GRIK5: variants seen among roughly 807,000 people sequenced by gnomAD.
GRIK5 encodes the protein glutamate ionotropic receptor kainate type subunit 5.
Under a neutral mutation model 97.4 loss-of-function variants are expected in GRIK5, and 43 were observed. That is an observed-to-expected ratio of 0.44 (90% CI 0.35 to 0.57). The LOEUF (loss-of-function observed/expected upper bound fraction) is 0.57, where lower values mean the gene tolerates loss of function less well. Ranked by LOEUF, GRIK5 falls within the 20% of genes least tolerant of loss-of-function variation. The pLI, the probability that GRIK5 is intolerant of heterozygous loss-of-function variation, is 0.01. For synonymous variants in GRIK5, 580 were observed against 583.5 expected (o/e 0.99, Z 0.09); for missense variants, 1,015 against 1,382.0 (o/e 0.73, Z 4.21).
chr19:42,053,506 C>T (rs775226937), intron 11 of GRIK5, 96 bp downstream of exon 11: 28 of 773,022 alleles, frequency 3.6e-5, no homozygotes, highest in Admixed American at 7.7e-5. Flanking sequence ...CTGGCCTATG[C>T]GCTGTGCCAG....
Position 42,062,936 on chromosome 19 carries a change from G to A in GRIK5, c.245-81C>T. 9.6e-7 allele frequency: 1 copy of A among 1,044,666 alleles called. No individual in the cohort carries two copies. Among genetic ancestry groups the A allele is most frequent in the Non-Finnish European group, 1.5e-6 (1 of 675,050 alleles). 64.7% of individuals were successfully genotyped at this position (1,044,666 alleles called of 1,614,324 possible). A position where few individuals can be genotyped will look rare whatever the true frequency, so the allele number is the denominator to read the frequency against. Reference sequence around the variant, plus strand: ...CCCCATCCCTCAGGGAGCCGCCATGGCCCAGGAGAGGATCAGACACTGGCA... The same window carrying A: ...CCCCATCCCTCAGGGAGCCGCCATGACCCAGGAGAGGATCAGACACTGGCA... On this transcript the variant is annotated intron_variant, in intron 3 of 19. Coordinates refer to ENST00000593562, the MANE Select transcript of GRIK5 (RefSeq NM_002088.5). The surrounding 1 kb of genome is among the most constrained non-coding windows in gnomAD (Gnocchi z 5.3).
chr19:42,035,902 T>G (rs1285509917), intron 12 of GRIK5, among the ~76,000 whole-genome samples: 1 of 152,206 alleles, frequency 6.6e-6, no homozygotes, highest in Admixed American at 6.5e-5. Flanking sequence ...AAATAATTGC[T>G]TATGAAAATT....
At chr19:42,032,327 T>C (rs897348958) in intron 12 of GRIK5, among the ~76,000 whole-genome samples, 4 of 152,240 alleles carry the variant, frequency 2.6e-5, no homozygotes, top group Non-Finnish European at 4.4e-5. Context: ...TAGAGATTGG[T>C]AACACTGACT....
At chr19:42,010,819 G>A (rs1419735562) in intron 15 of GRIK5, among the ~76,000 whole-genome samples, 1 of 152,116 alleles carries the variant, frequency 6.6e-6, no homozygotes, top group Non-Finnish European at 1.5e-5. Context: ...AGCATTTAGT[G>A]GTTTGGTTTT....
At chr19:42,044,266 C>T (rs1221895769) in intron 11 of GRIK5, among the ~76,000 whole-genome samples, 1 of 152,132 alleles carries the variant, frequency 6.6e-6, no homozygotes, top group African/African-American at 2.4e-5. Flanking sequence ...CATAAATTAC[C>T]GAGTCTCGGG....
chr19:42,013,632 G>A (rs113489282), intron 15 of GRIK5, among the ~76,000 whole-genome samples: 3 of 151,902 alleles, frequency 2.0e-5, no homozygotes, highest in East Asian at 1.9e-4. Context: ...GGACGGTCTC[G>A]ATCCTCTGAC....
chr19:42,059,259 C>T, intron 6 of GRIK5, 90 bp downstream of exon 6: 5 of 974,162 alleles, frequency 5.1e-6, no homozygotes, highest in East Asian at 2.4e-5. Context: ...CCCCTTTTGA[C>T]TCCTGAGGCC....
At chr19:42,043,551 T>C (rs902218440) in intron 11 of GRIK5, among the ~76,000 whole-genome samples, 2 of 151,790 alleles carry the variant, frequency 1.3e-5, no homozygotes, top group African/African-American at 4.8e-5. Flanking sequence ...GGATTACAGG[T>C]GCCTGCCACC....
chr19:42,022,295 G>A lies in GRIK5; in HGVS notation c.1533C>T (p.Asp511=). 6.2e-7 allele frequency: 1 copy of A among 1,614,124 alleles called. No homozygotes were observed. Among genetic ancestry groups the A allele is most frequent in the Non-Finnish European group, 8.5e-7 (1 of 1,179,992 alleles). The change falls in exon 13 of 20, where the codon GAC becomes GAT. Residue 511 remains aspartate (D), a synonymous_variant. Coordinates refer to ENST00000593562, the MANE Select transcript of GRIK5 (RefSeq NM_002088.5). The surrounding 1 kb of genome is among the most constrained non-coding windows in gnomAD (Gnocchi z 4.2). ...CCAGGGTCATAAAGGGCTTGGAAAA[G>A]TCGATGACCTTCTCCCGCTCAGCTG... The part of the protein sequence containing the change: ...TITAEREKVI[D]FSKPFMTLGI...
At chr19:42,020,908 CAG>C (rs1050791894) in intron 15 of GRIK5, among the ~76,000 whole-genome samples, 3 of 152,130 alleles carry the variant, frequency 2.0e-5, no homozygotes, top group African/African-American at 4.8e-5. Context: ...TTTATTGAGA[CAG>C]AGTCTTGCTC....
In GRIK5 at chr19:42,042,596, G is replaced by A. The variant is rs770880639; in HGVS notation, c.1429C>T (p.Pro477Ser). ...ACCATGCCCGTCCAGGAGCCGTTGG[G>A]CTCGGGCGCCCCGTACAGCCCATCC... ...VEDGLYGAPE[P>S]NGSWTGMVGE... Residue 477 changes from proline (P) to serine (S), a missense_variant, in exon 12 of 20, where the codon CCC (proline) becomes TCC (serine). Physicochemically the swap from Pro to Ser is moderately conservative, Grantham distance 74. Coordinates refer to ENST00000593562, the MANE Select transcript of GRIK5 (RefSeq NM_002088.5). The surrounding 1 kb of genome is among the most constrained non-coding windows in gnomAD (Gnocchi z 6.9). The A allele has an allele frequency of 5.6e-6, 9 of 1,612,166 alleles. No individual in the cohort carries two copies. Among genetic ancestry groups the A allele is most frequent in the Non-Finnish European group, 7.6e-6 (9 of 1,179,886 alleles).
In GRIK5 at chr19:42,062,523, T is replaced by C. The variant is rs1184165809; in HGVS notation, c.473A>G (p.Tyr158Cys). ...AVSRILKSFN[Y>C]PSASLICAKA... Reference sequence around the variant, plus strand: ...GGCGCAGATGAGGCTGGCCGAGGGGTAGTTGAAGGACTTGAGGATTCGGGA... The same window carrying C: ...GGCGCAGATGAGGCTGGCCGAGGGGCAGTTGAAGGACTTGAGGATTCGGGA... Residue 158 changes from tyrosine (Y) to cysteine (C), a missense_variant, in exon 5 of 20, where the codon TAC (tyrosine) becomes TGC (cysteine). By Grantham distance (194) the Tyr-to-Cys change is radical. Around this residue, in one of 5 missense-constraint regions of GRIK5, gnomAD observed 198 missense variants for 218.2 expected, o/e 0.91. Coordinates refer to ENST00000593562, the MANE Select transcript of GRIK5 (RefSeq NM_002088.5). The surrounding 1 kb of genome is among the most constrained non-coding windows in gnomAD (Gnocchi z 5.3). 3.1e-6 allele frequency: 5 copies of C among 1,613,836 alleles called. No individual in the cohort carries two copies. In the East Asian group the frequency reaches 8.9e-5, roughly 29 times the overall value.
chr19:42,043,655 G>A (rs1316774837), intron 11 of GRIK5, among the ~76,000 whole-genome samples: 8 of 151,776 alleles, frequency 5.3e-5, no homozygotes, highest in Non-Finnish European at 7.4e-5. Flanking sequence ...CAAGTGATCC[G>A]CCCACCTCGG....
At chr19:42,040,615 T>G (rs2075965892) in intron 12 of GRIK5, among the ~76,000 whole-genome samples, 1 of 152,076 alleles carries the variant, frequency 6.6e-6, no homozygotes, top group East Asian at 1.9e-4. Context: ...CCTAGCACTT[T>G]GGGAGGTGAG....
chr19:42,027,066 C>T (rs1367452249), intron 12 of GRIK5, among the ~76,000 whole-genome samples: 4 of 152,162 alleles, frequency 2.6e-5, no homozygotes, highest in Non-Finnish European at 5.9e-5. Flanking sequence ...CACATTGCAG[C>T]CACACTGCCC....
chr19:42,028,020 C>T (rs753102593), intron 12 of GRIK5, among the ~76,000 whole-genome samples: 5 of 151,892 alleles, frequency 3.3e-5, no homozygotes, highest in Non-Finnish European at 5.9e-5. Context: ...TTTGTAGAGA[C>T]GGGGGTCTTA....
At chr19:42,046,110 G>C (rs2076040072) in intron 11 of GRIK5, among the ~76,000 whole-genome samples, 1 of 152,170 alleles carries the variant, frequency 6.6e-6, no homozygotes, top group Non-Finnish European at 1.5e-5. Context: ...TCTAGCCCAA[G>C]GCCACCCAGC....
rs113832858 is a variant in GRIK5 at position 42,026,456 on chromosome 19, G to T, written c.1474-4102C>A. Reference sequence around the variant, plus strand: ...TTTAGTAGAGATGGGGTTTCACCACGTTGGCCAGGTTAATCTCGAACTCCT... The same window carrying T: ...TTTAGTAGAGATGGGGTTTCACCACTTTGGCCAGGTTAATCTCGAACTCCT... On this transcript the variant is annotated intron_variant, in intron 12 of 19. Transcript: ENST00000593562. Among the ~76,000 whole-genome samples the T allele has an allele frequency of 2.0e-3, 298 of 151,252 alleles. 4 individuals are homozygous for T. The highest frequency in any genetic ancestry group is 6.9e-3 in the African/African-American group (284 of 41,076).
At chr19:42,036,826 G>A (rs2075911551) in intron 12 of GRIK5, among the ~76,000 whole-genome samples, 1 of 152,196 alleles carries the variant, frequency 6.6e-6, no homozygotes, top group South Asian at 2.1e-4. Context: ...CCCAGGGTGT[G>A]GAGGCCACAG....
Sources: gnomAD v4.1 joint callset for allele counts (sites outside exome capture counted in the v4.1 genomes callset) on GRCh38, gnomAD v4.1.1 for gene constraint, gnomAD v4.1.1 regional missense constraint, Gnocchi (gnomAD v3.1) non-coding constraint, MANE v1.5 for transcripts, NCBI Gene and HGNC (gene_info 2026-07-23, HGNC 2026-07-21) for gene names.